PARL: variants seen among roughly 807,000 people sequenced by gnomAD.
The protein encoded by PARL is presenilin-associated rhomboid-like protein, mitochondrial.
PARL carries 44 observed loss-of-function variants against 51.6 expected under a neutral mutation model. The observed-to-expected ratio is 0.85, with a 90% CI of 0.67 to 1.10. The LOEUF (loss-of-function observed/expected upper bound fraction) is 1.10, where lower values mean the gene tolerates loss of function less well. Ranked by LOEUF, PARL falls within the 50% of genes least tolerant of loss-of-function variation. PARL has a pLI of 0.00. For missense variants in PARL, 441 were observed against 469.5 expected, an observed-to-expected ratio of 0.94 and a Z score of 0.56; for synonymous variants, 172 against 164.0, an observed-to-expected ratio of 1.05 and a Z score of -0.37.
At chr3:183,860,959 G>A (rs6443914) in intron 4 of PARL, among the ~76,000 whole-genome samples, 82,378 of 151,724 alleles carry the variant, frequency 0.54, 22,694 homozygotes, top group Middle Eastern at 0.62. Context: ...ATTAACAGGC[G>A]TGCACCACCA....
chr3:183,872,470 A>G (rs1276786243), intron 1 of PARL, among the ~76,000 whole-genome samples: 2 of 152,220 alleles, frequency 1.3e-5, no homozygotes, highest in Non-Finnish European at 2.9e-5. Flanking sequence ...AAAAGGTTTG[A>G]GTAAGTTCAT....
intron 9 of PARL, among the ~76,000 whole-genome samples, chr3:183,833,244 C>T (rs1332876886): frequency 6.6e-6 from 1 of 152,158 alleles, no homozygotes; most frequent in East Asian, 1.9e-4. Flanking sequence ...AACAGGCCAA[C>T]AGTTGGGGCA....
At chr3:183,863,940 T>A (rs538518019) in intron 3 of PARL, among the ~76,000 whole-genome samples, 1 of 152,372 alleles carries the variant, frequency 6.6e-6, no homozygotes, top group Non-Finnish European at 1.5e-5. Flanking sequence ...GAAGATTATG[T>A]ATACTGTTTG....
rs202105467 is a variant in PARL at position 183,833,742 on chromosome 3, G to A, written c.912C>T (p.Phe304=). 63 of 1,609,374 alleles carry A rather than the reference G, an allele frequency of 3.9e-5. No individual in the cohort carries two copies. In the East Asian group the frequency reaches 1.4e-3, roughly 36 times the overall value. Reference sequence around the variant, plus strand: ...TACTTACATTCCCTGCTGTGAACGTGAACATCGGAAGGAAAATAATGGCAA... The same window carrying A: ...TACTTACATTCCCTGCTGTGAACGTAAACATCGGAAGGAAAATAATGGCAA... ...GRLAIIFLPM[F]TFTAGNALKA... is the part of the protein sequence containing the mutation. The change falls in exon 8 of 10, where the codon TTC becomes TTT. Residue 304 remains phenylalanine, a synonymous_variant. Transcript: ENST00000317096.
chr3:183,881,956 A>G (rs1347999484), intron 1 of PARL, among the ~76,000 whole-genome samples: 3 of 151,794 alleles, frequency 2.0e-5, no homozygotes, highest in African/African-American at 7.3e-5. Flanking sequence ...TAATCCCAAC[A>G]CTGGGAGGCA....
rs1468966347 is a variant in PARL, at chr3:183,884,824, T to C, written c.23A>G (p.Gln8Arg). 2 of 1,597,254 alleles carry C rather than the reference T, an allele frequency of 1.3e-6. No homozygotes were observed. Among genetic ancestry groups the C allele is most frequent in the East Asian group, 2.2e-5 (1 of 44,820 alleles). ...CGCCTGGCCGCAGCCCCAGCCTCTC[T>C]GCGCCCAGCCTCGCCACGCCATCTT... MAWRGWA[Q>R]RGWGCGQAWG... Residue 8 changes from glutamine to arginine, a missense_variant, in exon 1 of 10, where the codon CAG (glutamine) becomes CGG (arginine). Coordinates refer to ENST00000317096, the MANE Select transcript of PARL (RefSeq NM_018622.7).
In PARL at chr3:183,847,036, G is replaced by A. The variant is rs138834743; in HGVS notation, c.512-2710C>T. Among the ~76,000 whole-genome samples the A allele has an allele frequency of 3.2e-3, 480 of 152,270 alleles. 13 individuals are homozygous for A. The highest frequency in any genetic ancestry group is 0.016 in the South Asian group (76 of 4,826). On this transcript the variant is annotated intron_variant, in intron 4 of 9. Transcript: ENST00000317096. ...AGGACTTCAGACACCACATAAAAACGGCTTCCTTGCTGGGAAACAGCATAT... is the reference window on the plus strand; with the variant it reads ...AGGACTTCAGACACCACATAAAAACAGCTTCCTTGCTGGGAAACAGCATAT...
intron 4 of PARL, among the ~76,000 whole-genome samples, chr3:183,852,946 G>A (rs60244260): frequency 0.21 from 32,183 of 151,962 alleles, 3,653 homozygotes; most frequent in East Asian, 0.45. Context: ...ACAGCAGCTA[G>A]ATCTTTATCT....
At chr3:183,855,491 C>T (rs890210395) in intron 4 of PARL, among the ~76,000 whole-genome samples, 3 of 151,878 alleles carry the variant, frequency 2.0e-5, no homozygotes, top group Non-Finnish European at 4.4e-5. Context: ...CACCAAGGAC[C>T]GGTTTTGTGT....
intron 7 of PARL, among the ~76,000 whole-genome samples, chr3:183,836,567 A>C (rs990790088): frequency 6.6e-6 from 1 of 152,208 alleles, no homozygotes; most frequent in African/African-American, 2.4e-5. Flanking sequence ...TTCTCTTCTC[A>C]GAAAACGCTC....
chr3:183,876,802 G>C (rs1182451108), intron 1 of PARL, among the ~76,000 whole-genome samples: 1 of 152,158 alleles, frequency 6.6e-6, no homozygotes, highest in African/African-American at 2.4e-5. Flanking sequence ...TTCATGAGAG[G>C]AGGTCAAAAT....
chr3:183,856,045 C>G (rs1731129534), intron 4 of PARL, among the ~76,000 whole-genome samples: 1 of 151,954 alleles, frequency 6.6e-6, no homozygotes, highest in African/African-American at 2.4e-5. Flanking sequence ...TGCTCTGCAG[C>G]CCGGTTCTGG....
At chr3:183,857,457 TTAAAA>T (rs1328593179) in intron 4 of PARL, among the ~76,000 whole-genome samples, 45 of 152,328 alleles carry the variant, frequency 3.0e-4, no homozygotes, top group Admixed American at 1.1e-3. Context: ...AGAATGTTCT[TTAAAA>T]TATTAAGTGA....
chr3:183,853,447 C>G (rs1024221105), intron 4 of PARL, among the ~76,000 whole-genome samples: 18 of 152,044 alleles, frequency 1.2e-4, no homozygotes, highest in African/African-American at 4.1e-4. Context: ...GCCTGTAATC[C>G]CAGCTGAGGT....
chr3:183,847,077 C>T (rs1347062262), intron 4 of PARL, among the ~76,000 whole-genome samples: 7 of 152,144 alleles, frequency 4.6e-5, no homozygotes, highest in African/African-American at 7.2e-5. Flanking sequence ...TCCCCAGAAG[C>T]GGATGAGCAT....
At chr3:183,836,522 C>T (rs1225646359) in intron 7 of PARL, among the ~76,000 whole-genome samples, 5 of 152,024 alleles carry the variant, frequency 3.3e-5, no homozygotes, top group Admixed American at 6.5e-5. Flanking sequence ...TTCACTTTTT[C>T]GAGTCAGAAA....
chr3:183,869,253 C>T (rs1732886465), intron 1 of PARL, among the ~76,000 whole-genome samples: 1 of 152,042 alleles, frequency 6.6e-6, no homozygotes, highest in South Asian at 2.1e-4. Context: ...GCCACCCAGG[C>T]TGGAGTACAA....
At chr3:183,867,310 A>G (rs185218375) in intron 2 of PARL, among the ~76,000 whole-genome samples, 1 of 152,300 alleles carries the variant, frequency 6.6e-6, no homozygotes, top group Admixed American at 6.5e-5. Context: ...ATACCAACTT[A>G]GCACCGCTTG....
intron 4 of PARL, chr3:183,846,477 G>C (rs1729965991): frequency 1.0e-6 from 1 of 970,152 alleles, no homozygotes; most frequent in African/African-American, 1.8e-5. Flanking sequence ...TGGGCAACAA[G>C]AGGGAAACTG....
Sources: allele counts gnomAD v4.1 joint callset (sites outside exome capture counted in the v4.1 genomes callset), GRCh38; gene constraint gnomAD v4.1.1; transcripts MANE v1.5; gene names NCBI Gene and HGNC (gene_info 2026-07-23, HGNC 2026-07-21).